Variants in ADGRL3 observed in about 807,000 individuals in gnomAD.
ADGRL3 encodes the protein adhesion G protein-coupled receptor L3.
Under a neutral mutation model 153.5 loss-of-function variants are expected in ADGRL3, and 62 were observed. The observed-to-expected ratio is 0.40, with a 90% CI of 0.33 to 0.50. The LOEUF is 0.50. Ranked by LOEUF, ADGRL3 falls within the 20% of genes least tolerant of loss-of-function variation. The pLI is 0.47. For missense variants in ADGRL3, 1,641 were observed against 1,859.4 expected, an observed-to-expected ratio of 0.88 and a Z score of 2.16; for synonymous variants, 710 against 672.5, an observed-to-expected ratio of 1.06 and a Z score of -0.86.
intron 1 of ADGRL3, among the ~76,000 whole-genome samples, chr4:61,308,056 A>G (rs1353240345): frequency 6.6e-6 from 1 of 152,158 alleles, no homozygotes; most frequent in African/African-American, 2.4e-5. Flanking sequence ...CTCTCTGAAA[A>G]CAAGAGCAAT....
At chr4:61,743,022 T>C (rs2151937432) in intron 8 of ADGRL3, among the ~76,000 whole-genome samples, 1 of 151,838 alleles carries the variant, frequency 6.6e-6, no homozygotes, top group Non-Finnish European at 1.5e-5. Context: ...TTCAATAATG[T>C]TAGAAAAAAC....
chr4:61,496,556 C>T (rs939933957), intron 2 of ADGRL3, among the ~76,000 whole-genome samples: 4 of 151,612 alleles, frequency 2.6e-5, no homozygotes, highest in African/African-American at 9.7e-5. Flanking sequence ...GCAGGAGAAT[C>T]GCGTGAACCC....
intron 5 of ADGRL3, among the ~76,000 whole-genome samples, chr4:61,617,927 T>C (rs1375507589): frequency 6.6e-6 from 1 of 152,214 alleles, no homozygotes; most frequent in Non-Finnish European, 1.5e-5. Context: ...CTAGCAAATT[T>C]GCAGCAATGA....
rs150897984 is a variant in ADGRL3 at position 62,060,904 on chromosome 4, T to C, written c.3815-7262T>C. Among the ~76,000 whole-genome samples the C allele has an allele frequency of 2.9e-3, 434 of 152,060 alleles. 5 individuals carry two copies. The highest frequency in any genetic ancestry group is 0.01 in the African/African-American group (417 of 41,560). ...GTTTTATATCTTCAGAAAGCAAATATTGAACACTTAGAAAGTGAAAAATTC... is the reference window on the plus strand; with the variant it reads ...GTTTTATATCTTCAGAAAGCAAATACTGAACACTTAGAAAGTGAAAAATTC... On this transcript the variant is annotated intron_variant, in intron 25 of 26. Coordinates refer to ENST00000683033, the MANE Select transcript of ADGRL3 (RefSeq NM_001387552.1).
intron 1 of ADGRL3, among the ~76,000 whole-genome samples, chr4:61,337,243 T>C (rs1283994867): frequency 6.6e-6 from 1 of 152,172 alleles, no homozygotes; most frequent in Non-Finnish European, 1.5e-5. Flanking sequence ...GTACCTTGTC[T>C]GATCTGTTTT....
At chr4:61,927,022 A>G (rs1270955962) in intron 13 of ADGRL3, among the ~76,000 whole-genome samples, 1 of 152,176 alleles carries the variant, frequency 6.6e-6, no homozygotes, top group Non-Finnish European at 1.5e-5. Context: ...AGCTTTTCCA[A>G]TACAGAGCTT....
chr4:61,707,045 T>G (rs1162159747), intron 6 of ADGRL3, among the ~76,000 whole-genome samples: 1 of 152,132 alleles, frequency 6.6e-6, no homozygotes, highest in African/African-American at 2.4e-5. Flanking sequence ...AATTTAAATA[T>G]TGCTGTGTCT....
chr4:61,238,566 T>A (rs1294330230), intron 1 of ADGRL3, among the ~76,000 whole-genome samples: 7 of 152,022 alleles, frequency 4.6e-5, no homozygotes, highest in African/African-American at 1.7e-4. Context: ...TCCAAAGTTA[T>A]TTTGAGCATC....
At position 61,676,914 on chromosome 4, in the gene ADGRL3, C is replaced by A. The variant is rs1372814934; in HGVS notation, c.562C>A (p.Gln188Lys). The A allele has an allele frequency of 1.2e-6, 2 of 1,609,250 alleles. No individual in the cohort carries two copies. The highest frequency in any genetic ancestry group is 4.5e-5 in the East Asian group (2 of 44,800). Residue 188 changes from glutamine to lysine, a missense_variant, in exon 6 of 27, where the codon CAG becomes AAG. By Grantham distance (53) the Gln-to-Lys change is moderately conservative. Transcript: ENST00000683033. The part of the protein sequence containing the change: ...CPGTYKYLEV[Q>K]YECVPYKVEQ... ...AGGAACCTATAAATACCTTGAAGTG[C>A]AGTATGAATGTGTCCCTTACAGTAT...
chr4:61,345,928 T>C (rs146485464), intron 1 of ADGRL3, among the ~76,000 whole-genome samples: 265 of 152,260 alleles, frequency 1.7e-3, no homozygotes, highest in African/African-American at 6.2e-3. Flanking sequence ...AAAAATACCA[T>C]GTTGGGGTGA....
chr4:61,876,946 A>G lies in ADGRL3; in HGVS notation c.1481-15710A>G, dbSNP rs566266864. ...AAAAAAAGAAAGAAATATCCACATC[A>G]TTGAAGATGAGAAGGGACCTTTTAA... On this transcript the variant is annotated intron_variant, in intron 9 of 26. Transcript: ENST00000683033. Among the ~76,000 whole-genome samples the G allele has an allele frequency of 2.0e-5, 3 of 150,712 alleles. No individual in the cohort carries two copies. In the South Asian group the frequency reaches 6.3e-4, roughly 32 times the overall value.
intron 22 of ADGRL3, among the ~76,000 whole-genome samples, chr4:62,029,366 T>G (rs1012306837): frequency 6.6e-6 from 1 of 151,776 alleles, no homozygotes; most frequent in Non-Finnish European, 1.5e-5. Flanking sequence ...AAAAAATGCC[T>G]TCTTCAAAAT....
At chr4:61,543,725 C>A (rs2098701277) in intron 4 of ADGRL3, among the ~76,000 whole-genome samples, 1 of 152,150 alleles carries the variant, frequency 6.6e-6, no homozygotes, top group African/African-American at 2.4e-5. Flanking sequence ...ATAGAAAATG[C>A]TTCACGTTTT....
intron 13 of ADGRL3, among the ~76,000 whole-genome samples, chr4:61,917,853 G>C (rs560625486): frequency 4.3e-4 from 65 of 152,300 alleles, no homozygotes; most frequent in African/African-American, 1.5e-3. Context: ...AAGGAGGCTA[G>C]TGCAACAGGA....
chr4:61,703,766 T>C (rs972106953), intron 6 of ADGRL3, among the ~76,000 whole-genome samples: 1 of 152,092 alleles, frequency 6.6e-6, no homozygotes, highest in African/African-American at 2.4e-5. Context: ...CATCACAGAA[T>C]CTATGTCTCT....
At chr4:61,722,043 G>A (rs927088357) in intron 6 of ADGRL3, among the ~76,000 whole-genome samples, 3 of 152,056 alleles carry the variant, frequency 2.0e-5, no homozygotes, top group East Asian at 1.9e-4. Context: ...AATTTGAGCC[G>A]ATATTTTATA....
rs571084498 is a variant in ADGRL3 at position 61,244,209 on chromosome 4, G to T, written c.-240+42444G>T. On this transcript the variant is annotated intron_variant, in intron 1 of 26. Transcript: ENST00000683033. ...AATATGATGAAAGGGGAGGGATTGT[G>T]TTTTACTGGTAAGAAAAACAGTAGA... 3.6e-4 allele frequency among the ~76,000 whole-genome samples: 55 copies of T among 152,096 alleles called. 1 individual carries two copies. Among genetic ancestry groups the T allele is most frequent in the Admixed American group, 1.4e-3 (21 of 15,234 alleles).
intron 17 of ADGRL3, among the ~76,000 whole-genome samples, chr4:61,962,920 A>G (rs1413283473): frequency 6.6e-6 from 1 of 152,176 alleles, no homozygotes; most frequent in Non-Finnish European, 1.5e-5. Context: ...TTAGTAGTAT[A>G]GACAACTTAT....
At chr4:61,503,073 A>AT in intron 3 of ADGRL3, among the ~76,000 whole-genome samples, 1 of 152,306 alleles carries the variant, frequency 6.6e-6, no homozygotes, top group Non-Finnish European at 1.5e-5. Flanking sequence ...TAAAATAGGT[A>AT]TTTTGTAAGC....
Sources: allele counts gnomAD v4.1 joint callset (sites outside exome capture counted in the v4.1 genomes callset), GRCh38; gene constraint gnomAD v4.1.1; transcripts MANE v1.5; gene names NCBI Gene and HGNC (gene_info 2026-07-23, HGNC 2026-07-21).